Variants in TMEM63A observed in about 807,000 individuals in gnomAD.
TMEM63A encodes transmembrane protein 63A.
A neutral mutation model predicts 100.6 loss-of-function variants in TMEM63A; 76 were observed. That is an observed-to-expected ratio of 0.76 (90% CI 0.63 to 0.91). The LOEUF (loss-of-function observed/expected upper bound fraction) is 0.91, where lower values mean the gene tolerates loss of function less well. TMEM63A is among the 40% of genes least tolerant of loss of function. The pLI is 0.00. For synonymous variants in TMEM63A, 401 were observed against 401.1 expected (o/e 1.00, Z 0.00); for missense variants, 876 against 1,008.8 (o/e 0.87, Z 1.78).
At position 225,865,856 on chromosome 1, in the gene TMEM63A, C is replaced by T. The variant is rs766105426; in HGVS notation, c.746+41G>A. On this transcript the variant is annotated intron_variant, in intron 10 of 24. Transcript: ENST00000366835. The surrounding 1 kb of genome is among the most constrained non-coding windows in gnomAD (Gnocchi z 4.6). ...TGCGGGTGGGGCTGTGTTGGTCCTA[C>T]GTGGAGGGGGCTCAGCTCCCCTCCC... The T allele has an allele frequency of 1.9e-6, 3 of 1,606,880 alleles. No homozygotes were observed. The highest frequency in any genetic ancestry group is 2.7e-5 in the African/African-American group (2 of 74,832).
rs755180230 is a variant in TMEM63A, at chr1:225,856,744, G to A, written c.1485-6C>T. 3.1e-6 allele frequency: 5 copies of A among 1,612,210 alleles called. No homozygotes were observed. The highest frequency in any genetic ancestry group is 8.5e-7 in the Non-Finnish European group (1 of 1,179,444). On this transcript the variant is annotated splice_polypyrimidine_tract_variant and splice_region_variant and intron_variant, in intron 16 of 24. Transcript: ENST00000366835. ...TGATCTGGTTTTCCCCCGACCTGCA[G>A]GAAGTCAAAGGTGAGCACTCGCAGT...
rs1031979323 is a variant in TMEM63A at position 225,845,869 on chromosome 1, C to T, written c.*1070G>A. The T allele has an allele frequency of 9.7e-6, 2 of 206,332 alleles. No homozygotes were observed. Among genetic ancestry groups the T allele is most frequent in the African/African-American group, 4.6e-5 (2 of 43,132 alleles). The allele number at this position is 206,332 out of a possible 1,614,324, so 12.8% of individuals were successfully genotyped here. A position where few individuals can be genotyped will look rare whatever the true frequency, so the allele number is the denominator to read the frequency against. On this transcript the variant is annotated 3_prime_UTR_variant, in exon 25 of 25. Coordinates refer to ENST00000366835, the MANE Select transcript of TMEM63A (RefSeq NM_014698.3). ...GCCAGCGGACAGGCACAGGCAGGGC[C>T]TACAGAGGTGCCAAGGCCCCAGGCC...
intron 15 of TMEM63A, among the ~76,000 whole-genome samples, chr1:225,858,604 C>T (rs1024995565): frequency 1.3e-5 from 2 of 152,086 alleles, no homozygotes; most frequent in African/African-American, 2.4e-5. Flanking sequence ...GGATTACAGG[C>T]GTGAGCTACC....
At chr1:225,866,213 G>A (rs1670199833) in intron 9 of TMEM63A, 1 of 547,444 alleles carries the variant, frequency 1.8e-6, no homozygotes, top group East Asian at 3.1e-5. Context: ...AGGAGACTGA[G>A]AAAGAGGGGA....
rs572199388 is a variant in TMEM63A at position 225,877,416 on chromosome 1, G to A, written c.165C>T (p.Leu55=). The A allele has an allele frequency of 3.1e-6, 5 of 1,614,026 alleles. No homozygotes were observed. In the South Asian group the frequency reaches 5.5e-5, roughly 18 times the overall value. ...TCACCAGGAAGCAGCTGACGTCTAT[G>A]AGCAGGACAGTGGGGATGCCACCAA... The part of the protein sequence containing the change: ...VTFGGIPTVL[L]IDVSCFLFLI... The change falls in exon 3 of 25, where the codon CTC becomes CTT. Residue 55 remains leucine, a synonymous_variant. Transcript: ENST00000366835.
chr1:225,863,954 A>G (rs1670076175), intron 10 of TMEM63A: 1 of 150,888 alleles, frequency 6.6e-6, no homozygotes, highest in Non-Finnish European at 1.5e-5. Flanking sequence ...AGCAAAATAC[A>G]TACTCACTAT....
Position 225,862,446 on chromosome 1 carries a change from G to A in TMEM63A, c.951+9C>T. ...GCCTCTGCTCCCAGCCGGGGGGTGGGACCCTTACCCACTCACAGCCCAGCA... is the reference window on the plus strand; with the variant it reads ...GCCTCTGCTCCCAGCCGGGGGGTGGAACCCTTACCCACTCACAGCCCAGCA... On this transcript the variant is annotated intron_variant, in intron 12 of 24. Coordinates refer to ENST00000366835, the MANE Select transcript of TMEM63A (RefSeq NM_014698.3). The surrounding 1 kb of genome is among the most constrained non-coding windows in gnomAD (Gnocchi z 5.1). 1 of 1,614,006 alleles carries A rather than the reference G, an allele frequency of 6.2e-7. No homozygotes were observed. The highest frequency in any genetic ancestry group is 1.1e-5 in the South Asian group (1 of 91,078).
In TMEM63A at chr1:225,867,876, G is replaced by T. The variant is rs774777179; in HGVS notation, c.514+12C>A. ...CCATTACAACATAGACAAGGGTGAG[G>T]AGGGTCATTACCCAGCAAGTCCCCT... On this transcript the variant is annotated intron_variant, in intron 7 of 24. Transcript: ENST00000366835. The surrounding 1 kb of genome is among the most constrained non-coding windows in gnomAD (Gnocchi z 4.6). The T allele has an allele frequency of 6.2e-7, 1 of 1,614,078 alleles. No homozygotes were observed.
At chr1:225,855,137 A>G (rs2102605767) in intron 18 of TMEM63A, among the ~76,000 whole-genome samples, 1 of 152,332 alleles carries the variant, frequency 6.6e-6, no homozygotes, top group East Asian at 1.9e-4. Flanking sequence ...CCTTACAGGT[A>G]AGCACATTCT....
Position 225,848,886 on chromosome 1 carries a change from G to A in TMEM63A, c.2187+11C>T. 1 of 1,570,110 alleles carries A rather than the reference G, an allele frequency of 6.4e-7. No individual in the cohort carries two copies. The highest frequency in any genetic ancestry group is 1.9e-5 in the Admixed American group (1 of 52,156). On this transcript the variant is annotated intron_variant, in intron 22 of 24. Coordinates refer to ENST00000366835, the MANE Select transcript of TMEM63A (RefSeq NM_014698.3). ...AGGGCTTGACCGGGCAGTGGGGTCG[G>A]GGGCCTTTACTTTGTAGTTCAGAGG...
chr1:225,852,688 T>C lies in TMEM63A; in HGVS notation c.1879A>G (p.Thr627Ala). The C allele has an allele frequency of 6.2e-7, 1 of 1,613,300 alleles. No homozygotes were observed. The highest frequency in any genetic ancestry group is 8.5e-7 in the Non-Finnish European group (1 of 1,180,002). Residue 627 changes from threonine (T) to alanine (A), a missense_variant, in exon 20 of 25, where the codon ACT becomes GCT. By Grantham distance (58) the Thr-to-Ala change is moderately conservative. Around this residue, in one of 5 missense-constraint regions of TMEM63A, gnomAD observed 339 missense variants for 342.3 expected, o/e 0.99. Coordinates refer to ENST00000366835, the MANE Select transcript of TMEM63A (RefSeq NM_014698.3). ...CCAAATGGCGCGATGATGGGACAAG[T>C]GATGCTGTAGGCCACGATGACAGTG... Reference protein sequence around the residue: ...VFTVIVAYSITCPIIAPFGLI... With the variant: ...VFTVIVAYSIACPIIAPFGLI...
At chr1:225,850,193 C>T (rs1484613039) in intron 20 of TMEM63A, 114 bp from the exon 21 acceptor site, 7 of 1,263,408 alleles carry the variant, frequency 5.5e-6, no homozygotes, top group Non-Finnish European at 7.7e-6. Flanking sequence ...GGCTGCTGCT[C>T]TACTGCCTGA....
chr1:225,842,250 C>T (rs967556579), downstream of TMEM63A: 21 of 792,512 alleles, frequency 2.6e-5, no homozygotes, highest in South Asian at 1.7e-4. Flanking sequence ...TGTGCTCGAA[C>T]GTGGCTTCCT....
chr1:225,854,030 GACAA>G (rs1266037452), intron 18 of TMEM63A, among the ~76,000 whole-genome samples: 2 of 152,274 alleles, frequency 1.3e-5, no homozygotes, highest in East Asian at 1.9e-4. Context: ...CAAACAAGCA[GACAA>G]ACAAATATTC....
rs369809027 is a variant in TMEM63A at position 225,848,884 on chromosome 1, C to T, written c.2187+13G>A. 4.2e-5 allele frequency: 65 copies of T among 1,565,700 alleles called. No homozygotes were observed. The highest frequency in any genetic ancestry group is 1.4e-4 in the South Asian group (12 of 85,400). On this transcript the variant is annotated intron_variant, in intron 22 of 24. Coordinates refer to ENST00000366835, the MANE Select transcript of TMEM63A (RefSeq NM_014698.3). ...CCAGGGCTTGACCGGGCAGTGGGGT[C>T]GGGGGCCTTTACTTTGTAGTTCAGA...
At chr1:225,872,106 A>G (rs201005069) in intron 4 of TMEM63A, 53 bp from the exon 5 acceptor site, 17 of 1,343,754 alleles carry the variant, frequency 1.3e-5, no homozygotes, top group Non-Finnish European at 1.7e-5. Context: ...AAAAAAAAAA[A>G]GCCAAACAAG....
chr1:225,852,901 C>A, intron 19 of TMEM63A, 132 bp from the exon 20 acceptor site: 1 of 743,288 alleles, frequency 1.3e-6, no homozygotes, highest in Non-Finnish European at 2.3e-6. Context: ...CTCCCCGCCT[C>A]CCAAGGTCCT....
At chr1:225,849,067 C>G in intron 21 of TMEM63A, 55 bp from the exon 22 acceptor site, 1 of 1,271,414 alleles carries the variant, frequency 7.9e-7, no homozygotes, top group Non-Finnish European at 1.1e-6. Flanking sequence ...CACCACCTAC[C>G]CTCACCCTGC....
chr1:225,862,594 C>T lies in TMEM63A; in HGVS notation c.828-16G>A, dbSNP rs369280363. ...AGTCTTCTTTCTGTAGGGGTGGGAG[C>T]GGGGGCACAAACCTCAGATTTAGAA... On this transcript the variant is annotated splice_polypyrimidine_tract_variant and intron_variant, in intron 11 of 24. Transcript: ENST00000366835. This position sits in a 1 kb window ranked among gnomAD's most constrained non-coding sequence, Gnocchi z 5.1. 51 of 1,610,510 alleles carry T rather than the reference C, an allele frequency of 3.2e-5. No homozygotes were observed. Among genetic ancestry groups the T allele is most frequent in the South Asian group, 6.6e-5 (6 of 90,798 alleles).
Sources: allele counts gnomAD v4.1 joint callset (sites outside exome capture counted in the v4.1 genomes callset), GRCh38; gene constraint gnomAD v4.1.1; regional missense constraint gnomAD v4.1.1; non-coding constraint Gnocchi (gnomAD v3.1); transcripts MANE v1.5; gene names NCBI Gene and HGNC (gene_info 2026-07-23, HGNC 2026-07-21).